Variants in VPS35 observed in about 807,000 individuals in gnomAD.
VPS35 encodes the protein vacuolar protein sorting-associated protein 35.
Under a neutral mutation model 98.1 loss-of-function variants are expected in VPS35, and 21 were observed. The observed-to-expected ratio is 0.21, with a 90% CI of 0.15 to 0.31. The LOEUF (loss-of-function observed/expected upper bound fraction) is 0.31, where lower values mean the gene tolerates loss of function less well. Among genes scored for constraint, VPS35 ranks in the 10% least tolerant of loss-of-function variants. VPS35 has a pLI of 1.00. For missense variants in VPS35, 554 were observed against 950.8 expected (o/e 0.58, Z 5.49); for synonymous variants, 268 against 318.2 (o/e 0.84, Z 1.68).
chr16:46,663,723 C>G (rs1965946850), intron 13 of VPS35, among the ~76,000 whole-genome samples: 1 of 141,620 alleles, frequency 7.1e-6, no homozygotes, highest in South Asian at 2.3e-4. Flanking sequence ...TTTTTTTTTT[C>G]AACAGCTCTG....
chr16:46,674,174 C>T, intron 10 of VPS35, 140 bp downstream of exon 10: 1 of 928,496 alleles, frequency 1.1e-6, no homozygotes. Flanking sequence ...CTTTCTGCCC[C>T]TAGTAGTGCT....
In VPS35 at chr16:46,661,080, G is replaced by A. The variant is rs1184188551; in HGVS notation, c.2212-429C>T. On this transcript the variant is annotated intron_variant, in intron 16 of 16. Coordinates refer to ENST00000299138, the MANE Select transcript of VPS35 (RefSeq NM_018206.6). This position sits in a 1 kb window ranked among gnomAD's most constrained non-coding sequence, Gnocchi z 4.3. ...GAGAATTGCTTGAACCTGGGAGGCA[G>A]AGGTTGCAATGAGCTGAGATTGCCA... 3.3e-6 allele frequency: 1 copy of A among 306,120 alleles called. No homozygotes were observed. The highest frequency in any genetic ancestry group is 6.4e-6 in the Non-Finnish European group (1 of 156,194). The allele number at this position is 306,120 out of a possible 1,614,324, so 19.0% of individuals were successfully genotyped here.
In VPS35 at chr16:46,660,431, C is replaced by A. The variant is rs750436964; in HGVS notation, c.*41G>T. 54 of 1,609,134 alleles carry A rather than the reference C, an allele frequency of 3.4e-5. No homozygotes were observed. Among genetic ancestry groups the A allele is most frequent in the Non-Finnish European group, 4.3e-5 (51 of 1,179,004 alleles). The stretch of plus-strand genomic sequence containing the variant: ...GAAACCTAGCGTAATAAAACCCTCA[C>A]TGGATGTACATGGAAAGGAGTATGG... On this transcript the variant is annotated 3_prime_UTR_variant, in exon 17 of 17. Coordinates refer to ENST00000299138, the MANE Select transcript of VPS35 (RefSeq NM_018206.6).
chr16:46,663,168 A>T lies in VPS35; in HGVS notation c.1648-6T>A, dbSNP rs766636659. 2.5e-6 allele frequency: 4 copies of T among 1,611,974 alleles called. No individual in the cohort carries two copies. The Admixed American group carries it at 5.0e-5, about 20-fold the overall frequency. ...TTCTTTTCCCATTTGTCATCCTAAAACAAGAAAAAACATTTTAAGTTACCT... is the reference window on the plus strand; with the variant it reads ...TTCTTTTCCCATTTGTCATCCTAAATCAAGAAAAAACATTTTAAGTTACCT... On this transcript the variant is annotated splice_polypyrimidine_tract_variant and splice_region_variant and intron_variant, in intron 13 of 16. Coordinates refer to ENST00000299138, the MANE Select transcript of VPS35 (RefSeq NM_018206.6).
At chr16:46,676,794 A>T (rs1596720567) in intron 7 of VPS35, 102 bp from the exon 8 acceptor site, 1 of 803,324 alleles carries the variant, frequency 1.2e-6, no homozygotes, top group South Asian at 1.4e-5. Context: ...CTGTATTCTT[A>T]TACAACTAAA....
Position 46,689,149 on chromosome 16 carries a change from C to T in VPS35, c.-16G>A, listed in dbSNP as rs762144323. 3.1e-6 allele frequency: 5 copies of T among 1,608,612 alleles called. No individual in the cohort carries two copies. In the African/African-American group the frequency reaches 4.0e-5, roughly 13 times the overall value. On this transcript the variant is annotated 5_prime_UTR_variant, in exon 1 of 17. Coordinates refer to ENST00000299138, the MANE Select transcript of VPS35 (RefSeq NM_018206.6). The stretch of plus-strand genomic sequence containing the variant: ...CACTCACCATGGCGACTCCCCAGAG[C>T]CTGCAGCAAGCAGCACCCGCCCCGC...
In VPS35 at chr16:46,679,635, G is replaced by A. The variant is rs572226240; in HGVS notation, c.507-479C>T. On this transcript the variant is annotated intron_variant, in intron 5 of 16. Coordinates refer to ENST00000299138, the MANE Select transcript of VPS35 (RefSeq NM_018206.6). ...GTACTGCTAACTACATCATTTTACT[G>A]TTGAATATTTTGTTTTTAATTGGAA... Among the ~76,000 whole-genome samples, 3 of 152,312 alleles carry A rather than the reference G, an allele frequency of 2.0e-5. No homozygotes were observed. In the South Asian group the frequency reaches 6.2e-4, roughly 32 times the overall value.
rs1479277466 is a variant in VPS35 at position 46,659,616 on chromosome 16, C to T, written c.*856G>A. Reference sequence around the variant, plus strand: ...GAGAATGACTATTAAACTCTATAGCCATACTACTAGTACTTTTTATCAATT... The same window carrying T: ...GAGAATGACTATTAAACTCTATAGCTATACTACTAGTACTTTTTATCAATT... On this transcript the variant is annotated 3_prime_UTR_variant, in exon 17 of 17. Coordinates refer to ENST00000299138, the MANE Select transcript of VPS35 (RefSeq NM_018206.6). The T allele has an allele frequency of 1.3e-5, 2 of 151,930 alleles. No homozygotes were observed. Among genetic ancestry groups the T allele is most frequent in the Admixed American group, 6.6e-5 (1 of 15,264 alleles). The allele number at this position is 151,930 out of a possible 1,614,324, so 9.4% of individuals were successfully genotyped here.
intron 13 of VPS35, among the ~76,000 whole-genome samples, chr16:46,667,039 T>G (rs1408964543): frequency 1.3e-4 from 20 of 152,194 alleles, no homozygotes; most frequent in Non-Finnish European, 2.9e-5. Flanking sequence ...TTGAGGAACC[T>G]CCATACTGTT....
intron 13 of VPS35, among the ~76,000 whole-genome samples, chr16:46,664,111 C>T (rs1006431404): frequency 2.0e-5 from 3 of 152,062 alleles, no homozygotes; most frequent in Non-Finnish European, 4.4e-5. Context: ...CTACCACCCA[C>T]GGATAATCAC....
At position 46,657,611 on chromosome 16, in the gene VPS35, G is replaced by A. The variant is rs1386159646; in HGVS notation, c.*2861C>T. 2 of 152,106 alleles carry A rather than the reference G, an allele frequency of 1.3e-5. No individual in the cohort carries two copies. Among genetic ancestry groups the A allele is most frequent in the Admixed American group, 6.6e-5 (1 of 15,258 alleles). 9.4% of individuals were successfully genotyped at this position (152,106 alleles called of 1,614,324 possible). On this transcript the variant is annotated 3_prime_UTR_variant, in exon 17 of 17. Coordinates refer to ENST00000299138, the MANE Select transcript of VPS35 (RefSeq NM_018206.6). The stretch of plus-strand genomic sequence containing the variant: ...TCTTTGAGCAGTGTCTATCAGCAGG[G>A]GCTGTTTTTGCAGTTCATTAACCTG...
intron 13 of VPS35, among the ~76,000 whole-genome samples, chr16:46,665,384 C>T (rs865872796): frequency 1.6e-4 from 25 of 152,166 alleles, no homozygotes; most frequent in African/African-American, 5.3e-4. Context: ...ATCGCTTGAG[C>T]CCAAGAGTTT....
intron 3 of VPS35, 149 bp downstream of exon 3, chr16:46,681,930 A>G (rs1434969509): frequency 4.3e-5 from 28 of 653,910 alleles, no homozygotes; most frequent in South Asian, 1.8e-5. Flanking sequence ...TTTCTCACTT[A>G]GCACATCTGC....
chr16:46,674,225 G>C (rs1476435686), intron 10 of VPS35, 89 bp downstream of exon 10: 23 of 1,411,402 alleles, frequency 1.6e-5, no homozygotes, highest in Non-Finnish European at 2.0e-5. Flanking sequence ...CAAGACAAAT[G>C]CCAGCAGTTC....
intron 5 of VPS35, 87 bp downstream of exon 5, chr16:46,680,584 A>G: frequency 7.1e-7 from 1 of 1,408,366 alleles, no homozygotes; most frequent in East Asian, 2.5e-5. Flanking sequence ...AATTATTCAC[A>G]CTTTGTTTCT....
At chr16:46,681,849 T>G in intron 3 of VPS35, 1 of 557,142 alleles carries the variant, frequency 1.8e-6, no homozygotes, top group Non-Finnish European at 3.2e-6. Flanking sequence ...ATGAAGGGTC[T>G]GAAAATTGAG....
chr16:46,657,520 C>CAG lies in VPS35; in HGVS notation c.*2951_*2952insCT, dbSNP rs1965852942. The CAG allele has an allele frequency of 6.6e-6, 1 of 152,202 alleles. No homozygotes were observed. Among genetic ancestry groups the CAG allele is most frequent in the South Asian group, 2.1e-4 (1 of 4,832 alleles). The allele number at this position is 152,202 out of a possible 1,614,324, so 9.4% of individuals were successfully genotyped here. A position where few individuals can be genotyped will look rare whatever the true frequency, so the allele number is the denominator to read the frequency against. The stretch of plus-strand genomic sequence containing the variant: ...AATGCCTTTGAGAGCTGCACACGAA[C>CAG]TGTACACAAGTGCTCATCATTCTCC... On this transcript the variant is annotated 3_prime_UTR_variant, in exon 17 of 17. Coordinates refer to ENST00000299138, the MANE Select transcript of VPS35 (RefSeq NM_018206.6).
At chr16:46,689,081 G>T in intron 1 of VPS35, 50 bp downstream of exon 1, 1 of 1,597,682 alleles carries the variant, frequency 6.3e-7, no homozygotes, top group African/African-American at 1.3e-5. Context: ...GGAGAGAGCA[G>T]GGGCTACAAG....
intron 1 of VPS35, among the ~76,000 whole-genome samples, chr16:46,687,996 A>T (rs1224643068): frequency 6.6e-6 from 1 of 152,222 alleles, no homozygotes; most frequent in Non-Finnish European, 1.5e-5. Flanking sequence ...CAATCCATAA[A>T]CGCTGGAAAC....
Sources: gnomAD v4.1 joint callset for allele counts (sites outside exome capture counted in the v4.1 genomes callset) on GRCh38, gnomAD v4.1.1 for gene constraint, Gnocchi (gnomAD v3.1) non-coding constraint, MANE v1.5 for transcripts, NCBI Gene and HGNC (gene_info 2026-07-23, HGNC 2026-07-21) for gene names.